TPRG1: variants seen among roughly 807,000 people sequenced by gnomAD.
TPRG1 encodes tumor protein p63 regulated 1, also known as tumor protein p63-regulated gene 1 protein.
Under a neutral mutation model 29.3 loss-of-function variants are expected in TPRG1, and 29 were observed. That is an observed-to-expected ratio of 0.99 (90% confidence interval 0.74 to 1.35). The LOEUF is 1.35. TPRG1 is among the 40% of genes most tolerant of loss of function. The probability of loss-of-function intolerance (pLI) is 0.00; values close to 1 mark genes in which losing one functional copy is unlikely to be tolerated. For synonymous variants in TPRG1, 130 were observed against 116.8 expected (o/e 1.11, Z -0.73); for missense variants, 327 against 335.0 (o/e 0.98, Z 0.19).
At chr3:189,167,679 G>T, upstream of TPRG1, among the ~76,000 whole-genome samples, 1 of 152,204 alleles carries the variant, frequency 6.6e-6, no homozygotes, top group Non-Finnish European at 1.5e-5. Flanking sequence ...CTTGGTTGGG[G>T]TGGATCAGAA....
At chr3:189,186,985 G>GGTTTT (rs746009750) in intron 1 of TPRG1, among the ~76,000 whole-genome samples, 1 of 88,950 alleles carries the variant, frequency 1.1e-5, no homozygotes, top group African/African-American at 4.4e-5. Flanking sequence ...CATCTAAAGT[G>GGTTTT]TTTTTTTTTT....
intron 3 of TPRG1, among the ~76,000 whole-genome samples, chr3:189,233,237 AAAATC>A (rs1738959411): frequency 6.6e-6 from 1 of 151,794 alleles, no homozygotes; most frequent in African/African-American, 2.4e-5. Context: ...ATATTAAAAT[AAAATC>A]TTTCTTGGAA....
chr3:189,184,814 C>T (rs1730698843), intron 1 of TPRG1, among the ~76,000 whole-genome samples: 1 of 152,204 alleles, frequency 6.6e-6, no homozygotes, highest in South Asian at 2.1e-4. Context: ...ACATCATACA[C>T]ATTTATTAAG....
At chr3:189,052,964 A>G (rs552347380) in intron 4 of TPRG1, among the ~76,000 whole-genome samples, 1 of 152,188 alleles carries the variant, frequency 6.6e-6, no homozygotes, top group African/African-American at 2.4e-5. Flanking sequence ...GTGATAAAAG[A>G]CTACAAATAT....
At position 189,324,537 on chromosome 3, in the gene TPRG1, T is replaced by C. The variant is rs779061938; in HGVS notation, c.*3717T>C. ...TTTTCTTAAAGGCTAAGGACACTTA[T>C]AGAGCTCTCCGATTTCCTATCTGAT... On this transcript the variant is annotated 3_prime_UTR_variant, in exon 6 of 6. Transcript: ENST00000345063. The C allele has an allele frequency of 1.3e-5, 2 of 152,248 alleles. No individual in the cohort carries two copies. Among genetic ancestry groups the C allele is most frequent in the South Asian group, 2.1e-4 (1 of 4,816 alleles). The allele number at this position is 152,248 out of a possible 1,614,324, so 9.4% of individuals were successfully genotyped here. A position where few individuals can be genotyped will look rare whatever the true frequency, so the allele number is the denominator to read the frequency against.
intron 4 of TPRG1, chr3:189,150,505 T>C (rs1008947133): frequency 2.0e-5 from 3 of 152,144 alleles, no homozygotes; most frequent in African/African-American, 7.2e-5. Context: ...CTACTGTTGA[T>C]TTACCTGCTT....
intron 1 of TPRG1, among the ~76,000 whole-genome samples, chr3:189,192,441 G>A (rs572861658): frequency 6.6e-6 from 1 of 152,330 alleles, no homozygotes; most frequent in East Asian, 1.9e-4. Context: ...AGGAGCTCAT[G>A]TACTAGTGAA....
intron 1 of TPRG1, among the ~76,000 whole-genome samples, chr3:189,198,282 C>T (rs1274347123): frequency 6.6e-6 from 1 of 152,144 alleles, no homozygotes; most frequent in African/African-American, 2.4e-5. Flanking sequence ...CTCTAACTTC[C>T]CACACTCGCA....
chr3:189,186,971 TG>T (rs1297861856), intron 1 of TPRG1, among the ~76,000 whole-genome samples: 1 of 150,920 alleles, frequency 6.6e-6, no homozygotes, highest in African/African-American at 2.4e-5. Context: ...TAGATTCATT[TG>T]TTCATCTAAA....
intron 5 of TPRG1, among the ~76,000 whole-genome samples, chr3:189,152,891 T>C (rs193143116): frequency 3.2e-4 from 49 of 152,016 alleles, no homozygotes; most frequent in African/African-American, 1.2e-3. Context: ...AAAAGTAGGA[T>C]TGCTACCCGC....
chr3:189,215,253 A>T, intron 2 of TPRG1, 39 bp from the exon 3 acceptor site: 1 of 1,560,132 alleles, frequency 6.4e-7, no homozygotes. Flanking sequence ...AAGTGGGCTA[A>T]GTCTGCTCTA....
intron 3 of TPRG1, among the ~76,000 whole-genome samples, chr3:189,233,951 A>G (rs1227941386): frequency 1.3e-5 from 2 of 152,138 alleles, no homozygotes; most frequent in East Asian, 3.9e-4. Context: ...GCTCACTGCA[A>G]CCTCAAACTC....
chr3:189,025,227 A>G (rs1190949667), intron 4 of TPRG1, among the ~76,000 whole-genome samples: 1 of 152,158 alleles, frequency 6.6e-6, no homozygotes, highest in Non-Finnish European at 1.5e-5. Context: ...GGGTGGGCTC[A>G]TGAGGGGATA....
intron 3 of TPRG1, among the ~76,000 whole-genome samples, chr3:189,020,154 C>G (rs1285819646): frequency 7.3e-5 from 11 of 151,530 alleles, no homozygotes; most frequent in Admixed American, 5.9e-4. Context: ...AGCGGTCTAT[C>G]TATTTTGTTG....
chr3:189,116,732 A>G (rs1175507547), intron 1 of TPRG1, among the ~76,000 whole-genome samples: 1 of 152,364 alleles, frequency 6.6e-6, no homozygotes, highest in East Asian at 1.9e-4. Flanking sequence ...TACATGAAGT[A>G]GTCATATTCA....
intron 4 of TPRG1, among the ~76,000 whole-genome samples, chr3:189,248,387 T>G (rs7642153): frequency 0.13 from 20,355 of 151,748 alleles, 2,861 homozygotes; most frequent in African/African-American, 0.36. Context: ...CTAATGATTG[T>G]TTGATAGATT....
At chr3:189,092,014 T>C (rs934320999) in intron 4 of TPRG1, among the ~76,000 whole-genome samples, 4 of 152,226 alleles carry the variant, frequency 2.6e-5, no homozygotes, top group Non-Finnish European at 5.9e-5. Flanking sequence ...CTAAGAAATA[T>C]TGTCCTCCTT....
intron 4 of TPRG1, among the ~76,000 whole-genome samples, chr3:189,056,051 T>C (rs1245753239): frequency 5.1e-4 from 57 of 112,548 alleles, no homozygotes; most frequent in African/African-American, 1.3e-3. Context: ...CTTCCTTCCT[T>C]CCTTCCTTCC....
In TPRG1 at chr3:189,312,097, GTTTC is replaced by G. The variant is rs1560688681; in HGVS notation, c.633+1562_633+1565del. 5.6e-3 allele frequency among the ~76,000 whole-genome samples: 395 copies of G among 70,924 alleles called. 9 individuals carry two copies. The highest frequency in any genetic ancestry group is 0.021 in the African/African-American group (361 of 17,222). The allele number at this position is 70,924 out of a possible 152,430, so 46.5% of individuals were successfully genotyped here. A position where few individuals can be genotyped will look rare whatever the true frequency, so the allele number is the denominator to read the frequency against. On this transcript the variant is annotated intron_variant, in intron 5 of 5. Transcript: ENST00000345063. ...ACACTTTATGTTTCTTTCTTTCTTT[GTTTC>G]TTTGTTTCTTTCTTTGTTTCTTTCT...
Sources: allele counts gnomAD v4.1 joint callset (sites outside exome capture counted in the v4.1 genomes callset), GRCh38; gene constraint gnomAD v4.1.1; transcripts MANE v1.5; gene names NCBI Gene and HGNC (gene_info 2026-07-23, HGNC 2026-07-21).